Variants in TRAPPC8 observed in about 807,000 individuals in gnomAD.
TRAPPC8 encodes trafficking protein particle complex subunit 8.
TRAPPC8 carries 54 observed loss-of-function variants against 174.3 expected under a neutral mutation model. The observed-to-expected ratio is 0.31, with a 90% confidence interval of 0.25 to 0.39. The LOEUF is 0.39. TRAPPC8 is among the 10% of genes least tolerant of loss of function. TRAPPC8 has a pLI of 1.00. For synonymous variants in TRAPPC8, 630 were observed against 579.9 expected, an observed-to-expected ratio of 1.09 and a Z score of -1.24; for missense variants, 1,531 against 1,699.1, an observed-to-expected ratio of 0.90 and a Z score of 1.74.
intron 1 of TRAPPC8, among the ~76,000 whole-genome samples, chr18:31,934,209 T>C (rs1159429286): frequency 6.6e-6 from 1 of 151,272 alleles, no homozygotes; most frequent in Non-Finnish European, 1.5e-5. Context: ...TACATGCAAA[T>C]TCTATGATAG....
At chr18:31,846,915 T>C in intron 25 of TRAPPC8, 98 bp from the exon 26 acceptor site, 1 of 692,964 alleles carries the variant, frequency 1.4e-6, no homozygotes, top group East Asian at 2.6e-5. Context: ...ATATGGCCAA[T>C]ATCTATCAAT....
At chr18:31,875,294 T>C (rs982802331) in intron 12 of TRAPPC8, among the ~76,000 whole-genome samples, 1 of 150,288 alleles carries the variant, frequency 6.7e-6, no homozygotes, top group Non-Finnish European at 1.5e-5. Context: ...TATGCCACAG[T>C]TTTCCACAGT....
In TRAPPC8 at chr18:31,895,814, GTT is replaced by G. The variant is rs529393197; in HGVS notation, c.1596+1970_1596+1971del. 6.6e-5 allele frequency: 10 copies of G among 152,244 alleles called. No homozygotes were observed. The South Asian group carries it at 1.7e-3, about 25-fold the overall frequency. The allele number at this position is 152,244 out of a possible 1,614,324, so 9.4% of individuals were successfully genotyped here. On this transcript the variant is annotated intron_variant, in intron 11 of 28. Coordinates refer to ENST00000283351, the MANE Select transcript of TRAPPC8 (RefSeq NM_014939.5). ...AAAGCCTTATTCAGCTCTACAAATA[GTT>G]TGTCTGTTATCTGTTCATATTTATT...
chr18:31,857,877 C>T lies in TRAPPC8; in HGVS notation c.2851G>A (p.Val951Ile). The change falls in exon 20 of 29, where the codon GTT (valine) becomes ATT (isoleucine). Residue 951 changes from valine to isoleucine, a missense_variant. Coordinates refer to ENST00000283351, the MANE Select transcript of TRAPPC8 (RefSeq NM_014939.5). ...SKCPLTGLKV[V>I]SKRPEFFTFG... Reference sequence around the variant, plus strand: ...GTAAAGAACTCTGGACGTTTAGAAACAACCTTCAATCCAGTAAGTGGACAT... The same window carrying T: ...GTAAAGAACTCTGGACGTTTAGAAATAACCTTCAATCCAGTAAGTGGACAT... 1 of 1,614,182 alleles carries T rather than the reference C, an allele frequency of 6.2e-7. No homozygotes were observed. Among genetic ancestry groups the T allele is most frequent in the Non-Finnish European group, 8.5e-7 (1 of 1,180,016 alleles).
chr18:31,856,869 C>G (rs966919523), intron 20 of TRAPPC8, among the ~76,000 whole-genome samples: 2 of 133,040 alleles, frequency 1.5e-5, no homozygotes, highest in East Asian at 4.5e-4. Context: ...TGGAGGACAA[C>G]GGTATAATCA....
rs112827133 is a variant in TRAPPC8 at position 31,857,778 on chromosome 18, C to A, written c.2950G>T (p.Val984Phe). ...CACACAGAGGTAGCATCTGTCACAACAGTCTTGTAAGCACTACAATTCTCA... is the reference window on the plus strand; with the variant it reads ...CACACAGAGGTAGCATCTGTCACAAAAGTCTTGTAAGCACTACAATTCTCA... Reference protein sequence around the residue: ...ASENCSAYKTVVTDATSVCTA... With the variant: ...ASENCSAYKTFVTDATSVCTA... Residue 984 changes from valine (V) to phenylalanine (F), a missense_variant, in exon 20 of 29, where the codon GTT (valine) becomes TTT (phenylalanine). Physicochemically the swap from Val to Phe is conservative, Grantham distance 50. Coordinates refer to ENST00000283351, the MANE Select transcript of TRAPPC8 (RefSeq NM_014939.5). 1.9e-6 allele frequency: 3 copies of A among 1,614,032 alleles called. No individual in the cohort carries two copies. Among genetic ancestry groups the A allele is most frequent in the African/African-American group, 2.7e-5 (2 of 74,920 alleles).
intron 11 of TRAPPC8, among the ~76,000 whole-genome samples, chr18:31,891,680 G>A (rs2035960064): frequency 6.6e-6 from 1 of 152,182 alleles, no homozygotes; most frequent in African/African-American, 2.4e-5. Context: ...GTTTTTAGCT[G>A]TTCTCAAGCT....
At chr18:31,895,944 A>G (rs2036167736) in intron 11 of TRAPPC8, 1 of 152,246 alleles carries the variant, frequency 6.6e-6, no homozygotes, top group South Asian at 2.1e-4. Flanking sequence ...TTAATGGTTC[A>G]GTTACAACAA....
chr18:31,873,146 T>C (rs541103036), intron 14 of TRAPPC8, among the ~76,000 whole-genome samples: 1 of 151,256 alleles, frequency 6.6e-6, no homozygotes, highest in East Asian at 2.0e-4. Context: ...GCCTCTTGAG[T>C]TGATGGGACT....
chr18:31,863,871 G>A (rs1240151049), intron 19 of TRAPPC8, among the ~76,000 whole-genome samples: 1 of 151,822 alleles, frequency 6.6e-6, no homozygotes, highest in Non-Finnish European at 1.5e-5. Context: ...TGCTGGACTA[G>A]GGTTATATCA....
chr18:31,912,267 G>A (rs2036944910), intron 5 of TRAPPC8, among the ~76,000 whole-genome samples: 1 of 152,156 alleles, frequency 6.6e-6, no homozygotes, highest in South Asian at 2.1e-4. Context: ...GAGGCGGACA[G>A]ATCACCTGAG....
chr18:31,888,343 G>A (rs1226336799), intron 12 of TRAPPC8, among the ~76,000 whole-genome samples: 1 of 152,042 alleles, frequency 6.6e-6, no homozygotes, highest in Non-Finnish European at 1.5e-5. Flanking sequence ...AGACTAGCCT[G>A]ACCAACATGG....
rs560932703 is a variant in TRAPPC8 at position 31,941,261 on chromosome 18, G to T, written c.157+1347C>A. Among the ~76,000 whole-genome samples the T allele has an allele frequency of 7.9e-5, 12 of 152,224 alleles. 1 individual carries two copies. In the South Asian group the frequency reaches 1.0e-3, roughly 13 times the overall value. On this transcript the variant is annotated intron_variant, in intron 1 of 28. Coordinates refer to ENST00000283351, the MANE Select transcript of TRAPPC8 (RefSeq NM_014939.5). ...AGTTCGAGACCAACCTGACCAACAT[G>T]GAGAAACCCTGTCTCTACTAAAAAT...
chr18:31,852,465 A>T lies in TRAPPC8; in HGVS notation c.3542T>A (p.Ile1181Asn), dbSNP rs34877961. The T allele has an allele frequency of 1.2e-6, 2 of 1,614,186 alleles. No homozygotes were observed. The highest frequency in any genetic ancestry group is 8.5e-7 in the Non-Finnish European group (1 of 1,180,032). ...GCATACCTGTTCATTTCCAAAGATG[A>T]TATCTGCAAAGGTATATTTTTCAGA... ...QSSEKYTFADIIFGNEQIISS... is the reference protein window; with the variant it reads ...QSSEKYTFADNIFGNEQIISS... Residue 1181 changes from isoleucine (I) to asparagine (N), a missense_variant, in exon 24 of 29, where the codon ATC becomes AAC. Physicochemically the swap from Ile to Asn is moderately radical, Grantham distance 149. Coordinates refer to ENST00000283351, the MANE Select transcript of TRAPPC8 (RefSeq NM_014939.5).
In TRAPPC8 at chr18:31,897,863, A is replaced by G; in HGVS notation, c.1519T>C (p.Leu507=). 2 of 1,611,358 alleles carry G rather than the reference A, an allele frequency of 1.2e-6. No individual in the cohort carries two copies. Among genetic ancestry groups the G allele is most frequent in the Non-Finnish European group, 1.7e-6 (2 of 1,178,328 alleles). Residue 507 remains leucine (L), a synonymous_variant, in exon 11 of 29, where the codon TTG becomes CTG. Transcript: ENST00000283351. The part of the protein sequence containing the change: ...KNMVLAERCV[L]LSAELLKSQS... ...CTTTTTAAAAGTTCAGCACTAAGCA[A>G]CACACATCTTTCAGCCAACACCATA...
At position 31,830,740 on chromosome 18, in the gene TRAPPC8, C is replaced by T. The variant is rs762131604; in HGVS notation, c.*15G>A. On this transcript the variant is annotated 3_prime_UTR_variant, in exon 29 of 29. Transcript: ENST00000283351. Reference sequence around the variant, plus strand: ...AAACTGATTATTGTGGATTTCAGTACAAATTTCCAAGTTGTCACACATTAC... The same window carrying T: ...AAACTGATTATTGTGGATTTCAGTATAAATTTCCAAGTTGTCACACATTAC... 2 of 1,603,958 alleles carry T rather than the reference C, an allele frequency of 1.2e-6. No homozygotes were observed. Among genetic ancestry groups the T allele is most frequent in the Non-Finnish European group, 1.7e-6 (2 of 1,172,776 alleles).
intron 12 of TRAPPC8, among the ~76,000 whole-genome samples, chr18:31,878,343 T>C (rs573620212): frequency 6.6e-6 from 1 of 152,250 alleles, no homozygotes; most frequent in Non-Finnish European, 1.5e-5. Flanking sequence ...TTTACCCTTT[T>C]TAATGACAAA....
At chr18:31,845,176 CT>C (rs1406553687) in intron 26 of TRAPPC8, 1 of 133,594 alleles carries the variant, frequency 7.5e-6, no homozygotes, top group Non-Finnish European at 1.6e-5. Flanking sequence ...GAGACTCCGT[CT>C]CAAAAAAAAA....
Position 31,870,272 on chromosome 18 carries a change from AAAG to A in TRAPPC8, c.2388+97_2388+99del, listed in dbSNP as rs2034787872. 2.7e-6 allele frequency: 3 copies of A among 1,098,332 alleles called. No individual in the cohort carries two copies. In the African/African-American group the frequency reaches 4.8e-5, roughly 18 times the overall value. 68.0% of individuals were successfully genotyped at this position (1,098,332 alleles called of 1,614,324 possible). On this transcript the variant is annotated intron_variant, in intron 16 of 28. Coordinates refer to ENST00000283351, the MANE Select transcript of TRAPPC8 (RefSeq NM_014939.5). ...TTATAACTAAGGAAAAATAAACCAA[AAAG>A]AAGTATAGCTCACTGAACAGAGTAC...
Sources: gnomAD v4.1 joint callset for allele counts (sites outside exome capture counted in the v4.1 genomes callset) on GRCh38, gnomAD v4.1.1 for gene constraint, MANE v1.5 for transcripts, NCBI Gene and HGNC (gene_info 2026-07-23, HGNC 2026-07-21) for gene names.